The following MKLN1 variants were observed in gnomAD, a reference collection of about 807,000 sequenced individuals.
MKLN1 encodes muskelin.
MKLN1 carries 18 observed loss-of-function variants against 99.0 expected under a neutral mutation model. The ratio of observed to expected loss-of-function variants is 0.18; its 90% CI spans 0.13 to 0.27. MKLN1 has a LOEUF of 0.27. Ranked by LOEUF, MKLN1 falls within the 10% of genes least tolerant of loss-of-function variation. The pLI is 1.00. For missense variants in MKLN1, 621 were observed against 875.9 expected, an observed-to-expected ratio of 0.71 and a Z score of 3.67; for synonymous variants, 288 against 293.2, an observed-to-expected ratio of 0.98 and a Z score of 0.18.
At chr7:131,141,337 TTCC>T (rs1795729555) in intron 1 of MKLN1, among the ~76,000 whole-genome samples, 1 of 152,146 alleles carries the variant, frequency 6.6e-6, no homozygotes, top group Non-Finnish European at 1.5e-5. Context: ...TCTCCTCAAT[TTCC>T]TCTTCATATT....
intron 3 of MKLN1, among the ~76,000 whole-genome samples, chr7:131,277,419 G>A (rs1797990466): frequency 6.6e-6 from 1 of 152,018 alleles, no homozygotes; most frequent in African/African-American, 2.4e-5. Flanking sequence ...GAGTAGCTAG[G>A]ATTACCAGCG....
intron 9 of MKLN1, 36 bp from the exon 10 acceptor site, chr7:131,437,749 T>G (rs1260977270): frequency 4.1e-6 from 6 of 1,462,798 alleles, no homozygotes; most frequent in Non-Finnish European, 5.7e-6. Context: ...TTGCTCTTTA[T>G]TTGTTTATTT....
intron 16 of MKLN1, among the ~76,000 whole-genome samples, chr7:131,475,305 A>G (rs1320551722): frequency 6.6e-6 from 1 of 152,216 alleles, no homozygotes; most frequent in Admixed American, 6.5e-5. Flanking sequence ...CACAAGAAGA[A>G]ATAGAAAATC....
rs140118311 is a variant in MKLN1, at chr7:131,256,958, A to T, written c.-179+53984A>T. On this transcript the variant is annotated intron_variant, in intron 3 of 7. Coordinates refer to the MKLN1 transcript ENST00000416992. Reference sequence around the variant, plus strand: ...CACATGTATCCCATGAATGTAAAATAAAAAAATACAATTAAAATAAAAGGT... The same window carrying T: ...CACATGTATCCCATGAATGTAAAATTAAAAAATACAATTAAAATAAAAGGT... Among the ~76,000 whole-genome samples the T allele has an allele frequency of 7.1e-3, 1,083 of 152,302 alleles. 15 individuals carry two copies. The highest frequency in any genetic ancestry group is 9.5e-3 in the Non-Finnish European group (646 of 68,030).
At chr7:131,204,690 G>A (rs987970938) in intron 3 of MKLN1, among the ~76,000 whole-genome samples, 1 of 152,084 alleles carries the variant, frequency 6.6e-6, no homozygotes, top group Non-Finnish European at 1.5e-5. Context: ...ATTAGGCCGG[G>A]CGCGGTGGCT....
intron 14 of MKLN1, among the ~76,000 whole-genome samples, chr7:131,465,343 T>G (rs370047891): frequency 6.6e-6 from 1 of 152,324 alleles, no homozygotes. Context: ...CGAAAGTGAT[T>G]GCGTTTCTTC....
intron 1 of MKLN1, among the ~76,000 whole-genome samples, chr7:131,142,632 G>C (rs552131867): frequency 9.7e-4 from 147 of 151,990 alleles, no homozygotes; most frequent in Middle Eastern, 3.4e-3. Context: ...CTACTCGGGA[G>C]GCTGAGGCAG....
intron 1 of MKLN1, among the ~76,000 whole-genome samples, chr7:131,139,378 C>T (rs1795698275): frequency 6.6e-6 from 1 of 152,032 alleles, no homozygotes; most frequent in African/African-American, 2.4e-5. Flanking sequence ...TTCTGGTGTC[C>T]ATCCATTAGG....
rs200640415 is a variant in MKLN1 at position 131,280,632 on chromosome 7, G to GT, written c.-179+77668dup. 1.4e-3 allele frequency among the ~76,000 whole-genome samples: 209 copies of GT among 145,278 alleles called. 1 individual carries two copies. Among genetic ancestry groups the GT allele is most frequent in the African/African-American group, 4.5e-3 (183 of 40,646 alleles). Reference sequence around the variant, plus strand: ...ATGTTTATTTAAATTATTCATCCATGTTTTTTTTTTCTTTTAATTTTTTTT... The same window carrying GT: ...ATGTTTATTTAAATTATTCATCCATGTTTTTTTTTTTCTTTTAATTTTTTTT... On this transcript the variant is annotated intron_variant, in intron 3 of 7. Coordinates refer to the MKLN1 transcript ENST00000416992.
intron 2 of MKLN1, among the ~76,000 whole-genome samples, chr7:131,174,998 G>T (rs530249652): frequency 1.5e-4 from 23 of 151,384 alleles, no homozygotes; most frequent in South Asian, 4.2e-4. Context: ...TAGATAGATA[G>T]ATAGATAGAT....
chr7:131,216,643 A>G lies in MKLN1; in HGVS notation c.-179+13669A>G, dbSNP rs558899447. Among the ~76,000 whole-genome samples, 4 of 152,360 alleles carry G rather than the reference A, an allele frequency of 2.6e-5. No homozygotes were observed. In the East Asian group the frequency reaches 7.7e-4, roughly 29 times the overall value. ...TTCTACTACTGCCGACACTTCATGC[A>G]GTAATTATCACCAAACACAATGCTA... On this transcript the variant is annotated intron_variant, in intron 3 of 7. Coordinates refer to the MKLN1 transcript ENST00000416992.
At chr7:131,235,423 A>T (rs1797307129) in intron 3 of MKLN1, among the ~76,000 whole-genome samples, 1 of 152,042 alleles carries the variant, frequency 6.6e-6, no homozygotes, top group South Asian at 2.1e-4. Flanking sequence ...CTGGGCTCTG[A>T]TGATTGTTAG....
intron 2 of MKLN1, among the ~76,000 whole-genome samples, chr7:131,386,070 A>G (rs572397706): frequency 2.7e-5 from 4 of 150,442 alleles, no homozygotes; most frequent in Non-Finnish European, 4.4e-5. Flanking sequence ...CTAGAGTGCA[A>G]TGGCGTGATC....
intron 2 of MKLN1, among the ~76,000 whole-genome samples, chr7:131,175,153 GAT>G: frequency 2.8e-5 from 2 of 71,056 alleles, no homozygotes; most frequent in Non-Finnish European, 5.5e-5. Context: ...TGGGTGGATG[GAT>G]AGATAGATAG....
intron 3 of MKLN1, among the ~76,000 whole-genome samples, chr7:131,318,954 T>C (rs1408570870): frequency 6.6e-6 from 1 of 152,164 alleles, no homozygotes; most frequent in Middle Eastern, 3.2e-3. Context: ...CAGTAGTTAA[T>C]AGCCTACCAA....
At chr7:131,184,747 G>A (rs1385769658) in intron 2 of MKLN1, among the ~76,000 whole-genome samples, 1 of 152,066 alleles carries the variant, frequency 6.6e-6, no homozygotes, top group South Asian at 2.1e-4. Flanking sequence ...GGCTAGTCTC[G>A]AACTCCTGAC....
intron 2 of MKLN1, among the ~76,000 whole-genome samples, chr7:131,380,462 C>A (rs1793810407): frequency 6.6e-6 from 1 of 152,060 alleles, no homozygotes. Flanking sequence ...ATACAATACC[C>A]AAAATGCAAA....
At position 131,320,337 on chromosome 7, in the gene MKLN1, C is replaced by T. The variant is rs188021059; in HGVS notation, c.-178-55087C>T. On this transcript the variant is annotated intron_variant, in intron 3 of 7. Transcript: ENST00000416992. ...AAAACAAGCAATGGGGAAAGAATTCCCTATTTAATAAATGGTGCTGGGAAA... is the reference window on the plus strand; with the variant it reads ...AAAACAAGCAATGGGGAAAGAATTCTCTATTTAATAAATGGTGCTGGGAAA... Among the ~76,000 whole-genome samples the T allele has an allele frequency of 1.2e-4, 18 of 152,236 alleles. No homozygotes were observed. In the East Asian group the frequency reaches 3.1e-3, roughly 26 times the overall value.
intron 8 of MKLN1, among the ~76,000 whole-genome samples, chr7:131,417,699 T>C (rs1486582591): frequency 6.6e-6 from 1 of 152,180 alleles, no homozygotes; most frequent in East Asian, 1.9e-4. Context: ...CAAGAAGAGC[T>C]ATCTGAAACC....
Sources: gnomAD v4.1 joint callset for allele counts (sites outside exome capture counted in the v4.1 genomes callset) on GRCh38, gnomAD v4.1.1 for gene constraint, MANE v1.5 for transcripts, NCBI Gene and HGNC (gene_info 2026-07-23, HGNC 2026-07-21) for gene names.